MAP4K5: variants seen among roughly 807,000 people sequenced by gnomAD.
MAP4K5 encodes mitogen-activated protein kinase kinase kinase kinase 5.
MAP4K5 carries 82 observed loss-of-function variants against 135.6 expected under a neutral mutation model. The ratio of observed to expected loss-of-function variants is 0.60; its 90% CI spans 0.51 to 0.73. The LOEUF (loss-of-function observed/expected upper bound fraction) is 0.73. Among genes scored for constraint, MAP4K5 ranks in the 30% least tolerant of loss-of-function variants. The probability of loss-of-function intolerance (pLI) is 0.00; values close to 1 mark genes in which losing one functional copy is unlikely to be tolerated. For missense variants in MAP4K5, 907 were observed against 1,010.9 expected (o/e 0.90, Z 1.39); for synonymous variants, 347 against 335.0 (o/e 1.04, Z -0.39).
At chr14:50,461,118 TG>T (rs2036701842) in intron 13 of MAP4K5, among the ~76,000 whole-genome samples, 1 of 152,070 alleles carries the variant, frequency 6.6e-6, no homozygotes, top group South Asian at 2.1e-4. Context: ...CTCTGCCTCC[TG>T]GGTTCAAGAG....
chr14:50,514,262 T>C (rs912859050), intron 2 of MAP4K5, among the ~76,000 whole-genome samples: 9 of 151,908 alleles, frequency 5.9e-5, no homozygotes, highest in Non-Finnish European at 1.3e-4. Context: ...TTTGTATTTT[T>C]AGTAGAGAGA....
Position 50,531,983 on chromosome 14 carries a change from C to T in MAP4K5, c.67G>A (p.Val23Ile). ...TAGGTGCCGCTGCCGACCCTCTGGA[C>T]GAGTTCGTAGTCCTGCTGCGGGTTC... Reference protein sequence around the residue: ...RRNPQQDYELVQRVGSGTYGD... With the variant: ...RRNPQQDYELIQRVGSGTYGD... The change falls in exon 2 of 33, where the codon GTC becomes ATC. Residue 23 changes from valine (V) to isoleucine (I), a missense_variant. Physicochemically the swap from Val to Ile is conservative, Grantham distance 29. Coordinates refer to ENST00000682126, the MANE Select transcript of MAP4K5 (RefSeq NM_006575.6). 6.2e-7 allele frequency: 1 copy of T among 1,604,562 alleles called. No individual in the cohort carries two copies. Among genetic ancestry groups the T allele is most frequent in the Non-Finnish European group, 8.5e-7 (1 of 1,175,904 alleles).
intron 6 of MAP4K5, 69 bp downstream of exon 6, chr14:50,482,292 C>T (rs2037261302): frequency 1.1e-6 from 1 of 869,882 alleles, no homozygotes; most frequent in Non-Finnish European, 1.7e-6. Flanking sequence ...CAGGCAATTG[C>T]CTTTCTAACT....
chr14:50,431,544 T>C (rs1042185122), intron 28 of MAP4K5, among the ~76,000 whole-genome samples: 1 of 152,132 alleles, frequency 6.6e-6, no homozygotes, highest in Non-Finnish European at 1.5e-5. Context: ...AGAATGATGA[T>C]TTCCAATTTC....
At chr14:50,521,667 G>A (rs181974040) in intron 2 of MAP4K5, among the ~76,000 whole-genome samples, 16 of 151,966 alleles carry the variant, frequency 1.1e-4, no homozygotes, top group South Asian at 4.1e-4. Context: ...GTTGGAAGGC[G>A]GGGGCCAGTA....
At chr14:50,557,443 A>T (rs959115891) in intron 1 of MAP4K5, among the ~76,000 whole-genome samples, 2 of 152,294 alleles carry the variant, frequency 1.3e-5, no homozygotes, top group Middle Eastern at 3.4e-3. Flanking sequence ...CAGGAATGGT[A>T]TACTATTTTC....
intron 1 of MAP4K5, among the ~76,000 whole-genome samples, chr14:50,552,559 C>T (rs2038715784): frequency 6.6e-6 from 1 of 152,048 alleles, no homozygotes; most frequent in Non-Finnish European, 1.5e-5. Flanking sequence ...ATAGCCAAAG[C>T]AGTAATAAGA....
rs568778081 is a variant in MAP4K5, at chr14:50,477,119, T to C, written c.379-813A>G. Among the ~76,000 whole-genome samples, 54 of 152,330 alleles carry C rather than the reference T, an allele frequency of 3.5e-4. 1 individual carries two copies. In the South Asian group the frequency reaches 0.01, roughly 29 times the overall value. ...TATTGAGTCTTCTGGTTTGTGAACA[T>C]GGTATAGTTCTCCATTTATTTGGGT... On this transcript the variant is annotated intron_variant, in intron 6 of 32. Coordinates refer to ENST00000682126, the MANE Select transcript of MAP4K5 (RefSeq NM_006575.6).
intron 2 of MAP4K5, chr14:50,505,239 G>A (rs923340147): frequency 2.4e-5 from 4 of 168,888 alleles, no homozygotes; most frequent in African/African-American, 7.2e-5. Flanking sequence ...TAACTACCTA[G>A]AGAAAAACAG....
Position 50,489,474 on chromosome 14 carries a change from A to G in MAP4K5, c.167-3280T>C, listed in dbSNP as rs2037435756. On this transcript the variant is annotated intron_variant, in intron 3 of 32. Transcript: ENST00000682126. ...CTTCAGTTTTGACTATATACCTATT[A>G]TTTCTATTTGAATGTCTTGCTAGTA... Among the ~76,000 whole-genome samples, 2 of 152,190 alleles carry G rather than the reference A, an allele frequency of 1.3e-5. 1 individual carries two copies. The highest frequency in any genetic ancestry group is 4.1e-4 in the South Asian group (2 of 4,824).
At position 50,482,401 on chromosome 14, in the gene MAP4K5, G is replaced by T; in HGVS notation, c.338C>A (p.Ser113Ter). The T allele has an allele frequency of 6.5e-7, 1 of 1,530,792 alleles. No individual in the cohort carries two copies. Among genetic ancestry groups the T allele is most frequent in the Admixed American group, 2.3e-5 (1 of 44,398 alleles). 94.8% of individuals were successfully genotyped at this position (1,530,792 alleles called of 1,614,324 possible). Reference sequence around the variant, plus strand: ...GCATACATAGGCTATTTGCAATTCTGATAATGGTCCAGTAACTAGAAAGAA... The same window carrying T: ...GCATACATAGGCTATTTGCAATTCTTATAATGGTCCAGTAACTAGAAAGAA... ...QDIYHVTGPL[S>*]ELQIAYVCRE... Residue 113 changes from serine (S) to a stop codon, truncating the protein, a stop_gained, in exon 6 of 33, where the codon TCA becomes TAA. Transcript: ENST00000682126. LOFTEE classifies it high-confidence loss of function.
intron 13 of MAP4K5, among the ~76,000 whole-genome samples, chr14:50,460,723 T>C (rs947190453): frequency 6.6e-5 from 10 of 152,144 alleles, no homozygotes; most frequent in Non-Finnish European, 1.0e-4. Flanking sequence ...TACCAGGCAA[T>C]GGGGAAATAA....
chr14:50,428,965 T>C (rs1453676658), intron 29 of MAP4K5, among the ~76,000 whole-genome samples: 2 of 152,200 alleles, frequency 1.3e-5, no homozygotes, highest in Non-Finnish European at 1.5e-5. Context: ...ATATAGTATA[T>C]ACTGAATATT....
At chr14:50,434,654 A>T in intron 27 of MAP4K5, 83 bp from the exon 28 acceptor site, 1 of 1,199,238 alleles carries the variant, frequency 8.3e-7, no homozygotes, top group Non-Finnish European at 1.2e-6. Flanking sequence ...CAACAGAAAG[A>T]CTCCTATCTT....
intron 14 of MAP4K5, among the ~76,000 whole-genome samples, chr14:50,453,935 T>TTGGG (rs1566651509): frequency 6.6e-6 from 1 of 152,132 alleles, no homozygotes; most frequent in African/African-American, 2.4e-5. Flanking sequence ...CTTAGACTGA[T>TTGGG]TGGGTGTGAT....
chr14:50,423,005 T>C (rs1354259107), intron 32 of MAP4K5, 116 bp downstream of exon 32: 6 of 517,604 alleles, frequency 1.2e-5, no homozygotes, highest in East Asian at 3.0e-5. Flanking sequence ...GAGAAATGTA[T>C]CTAAGTCAAT....
At chr14:50,519,470 C>T (rs1344173420) in intron 2 of MAP4K5, among the ~76,000 whole-genome samples, 1 of 151,980 alleles carries the variant, frequency 6.6e-6, no homozygotes, top group African/African-American at 2.4e-5. Flanking sequence ...GCCTGGCCAA[C>T]ACGGTGAAAC....
At chr14:50,426,550 C>A (rs915703816) in intron 30 of MAP4K5, among the ~76,000 whole-genome samples, 11 of 152,020 alleles carry the variant, frequency 7.2e-5, no homozygotes, top group African/African-American at 2.7e-4. Context: ...TATGGTGAAA[C>A]CCTGTCTCTA....
At chr14:50,430,005 T>G (rs2035934479) in intron 28 of MAP4K5, among the ~76,000 whole-genome samples, 1 of 152,146 alleles carries the variant, frequency 6.6e-6, no homozygotes, top group Non-Finnish European at 1.5e-5. Context: ...CAGTCCTTTT[T>G]TTTTTAAATG....
Sources: gnomAD v4.1 joint callset for allele counts (sites outside exome capture counted in the v4.1 genomes callset) on GRCh38, gnomAD v4.1.1 for gene constraint, MANE v1.5 for transcripts, NCBI Gene and HGNC (gene_info 2026-07-23, HGNC 2026-07-21) for gene names.